The following ATRNL1 variants were observed in gnomAD, a reference collection of about 807,000 sequenced individuals.
ATRNL1 encodes attractin-like protein 1.
Under a neutral mutation model 182.7 loss-of-function variants are expected in ATRNL1, and 95 were observed. That is an observed-to-expected ratio of 0.52 (90% confidence interval 0.44 to 0.62). ATRNL1 has a LOEUF of 0.62. ATRNL1 is among the 20% of genes least tolerant of loss of function. The pLI, the probability that ATRNL1 is intolerant of heterozygous loss-of-function variation, is 0.00. For synonymous variants in ATRNL1, 576 were observed against 568.3 expected, an observed-to-expected ratio of 1.01 and a Z score of -0.19; for missense variants, 1,471 against 1,679.5, an observed-to-expected ratio of 0.88 and a Z score of 2.17.
At chr10:115,920,670 G>T (rs1555118498) in intron 28 of ATRNL1, among the ~76,000 whole-genome samples, 1 of 152,152 alleles carries the variant, frequency 6.6e-6, no homozygotes, top group African/African-American at 2.4e-5. Context: ...AAATGACCTT[G>T]CCTGGTTAAC....
chr10:115,913,619 T>A (rs895213431), intron 28 of ATRNL1, among the ~76,000 whole-genome samples: 1 of 152,374 alleles, frequency 6.6e-6, no homozygotes, highest in East Asian at 1.9e-4. Context: ...CTACTGCCTC[T>A]AACTCATAGA....
intron 26 of ATRNL1, among the ~76,000 whole-genome samples, chr10:115,714,665 A>G (rs1443909819): frequency 1.3e-5 from 2 of 152,144 alleles, no homozygotes; most frequent in Non-Finnish European, 2.9e-5. Context: ...CAATAGATTC[A>G]TTATTGATTG....
intron 8 of ATRNL1, among the ~76,000 whole-genome samples, chr10:115,210,114 G>A (rs1196788362): frequency 1.3e-5 from 2 of 151,948 alleles, no homozygotes; most frequent in African/African-American, 4.8e-5. Context: ...ATTACTGGTA[G>A]CTGATCACTA....
At chr10:115,859,074 C>A (rs1487768948) in intron 28 of ATRNL1, among the ~76,000 whole-genome samples, 1 of 151,946 alleles carries the variant, frequency 6.6e-6, no homozygotes, top group Admixed American at 6.6e-5. Context: ...GCTCTGATTT[C>A]TTCTTATAAG....
intron 19 of ATRNL1, among the ~76,000 whole-genome samples, chr10:115,376,157 C>T (rs1857658504): frequency 6.6e-6 from 1 of 151,924 alleles, no homozygotes; most frequent in East Asian, 1.9e-4. Flanking sequence ...CATCATCCTT[C>T]TTCCTCCTGT....
chr10:115,811,023 C>G (rs1950035166), intron 27 of ATRNL1, among the ~76,000 whole-genome samples: 1 of 151,710 alleles, frequency 6.6e-6, no homozygotes, highest in Non-Finnish European at 1.5e-5. Context: ...CCTTCTCTCT[C>G]TTTAGGTTTA....
At position 115,365,941 on chromosome 10, in the gene ATRNL1, G is replaced by A. The variant is rs375716349; in HGVS notation, c.3176-28718G>A. On this transcript the variant is annotated intron_variant, in intron 19 of 28. Coordinates refer to ENST00000355044, the MANE Select transcript of ATRNL1 (RefSeq NM_207303.4). ...TTGCTGAGGAGAGCTTTACTTCCAA[G>A]TATGTGGTCAATTTTAGAATAGGTG... is the stretch of plus-strand genomic sequence containing the variant. Among the ~76,000 whole-genome samples, 412 of 152,218 alleles carry A rather than the reference G, an allele frequency of 2.7e-3. 3 individuals are homozygous for A. The highest frequency in any genetic ancestry group is 9.5e-3 in the African/African-American group (393 of 41,518).
At chr10:115,474,853 A>G (rs1355638675) in intron 24 of ATRNL1, among the ~76,000 whole-genome samples, 1 of 151,424 alleles carries the variant, frequency 6.6e-6, no homozygotes, top group Non-Finnish European at 1.5e-5. Context: ...CTATCAAAGT[A>G]TGGACTGACT....
intron 27 of ATRNL1, among the ~76,000 whole-genome samples, chr10:115,786,736 T>C (rs1412490340): frequency 6.6e-6 from 1 of 152,244 alleles, no homozygotes; most frequent in Non-Finnish European, 1.5e-5. Flanking sequence ...TACAGACCTC[T>C]AATTCTTCCT....
chr10:115,404,750 G>A (rs1230860820), intron 20 of ATRNL1, among the ~76,000 whole-genome samples: 7 of 150,436 alleles, frequency 4.7e-5, no homozygotes, highest in Non-Finnish European at 7.4e-5. Flanking sequence ...ACAGTGTGGT[G>A]GTATTTAGGT....
At chr10:115,358,831 C>A (rs547209719) in intron 19 of ATRNL1, among the ~76,000 whole-genome samples, 1 of 151,714 alleles carries the variant, frequency 6.6e-6, no homozygotes, top group South Asian at 2.1e-4. Context: ...CATTTTAAGG[C>A]CATAATATTG....
At chr10:115,930,379 A>G (rs1555121329) in intron 28 of ATRNL1, among the ~76,000 whole-genome samples, 2 of 152,150 alleles carry the variant, frequency 1.3e-5, no homozygotes, top group African/African-American at 2.4e-5. Context: ...AACGTGTCAT[A>G]CATCCCATAA....
At chr10:115,180,865 T>C (rs1383478201) in intron 8 of ATRNL1, among the ~76,000 whole-genome samples, 5 of 151,976 alleles carry the variant, frequency 3.3e-5, no homozygotes, top group Non-Finnish European at 7.4e-5. Context: ...CAGATGTTTT[T>C]TGGTAAGGGT....
intron 23 of ATRNL1, among the ~76,000 whole-genome samples, 189 bp downstream of exon 23, chr10:115,467,441 TTA>T (rs1474784495): frequency 4.0e-5 from 6 of 150,852 alleles, no homozygotes; most frequent in African/African-American, 1.5e-4. Context: ...ACTTTCTCCT[TTA>T]TTCAATTAAA....
At chr10:115,525,418 A>C (rs1056905643) in intron 25 of ATRNL1, among the ~76,000 whole-genome samples, 5 of 152,192 alleles carry the variant, frequency 3.3e-5, no homozygotes, top group African/African-American at 1.2e-4. Flanking sequence ...GGCAATTAAC[A>C]AACCTAGCCC....
intron 17 of ATRNL1, among the ~76,000 whole-genome samples, chr10:115,309,686 T>G (rs1853916848): frequency 6.6e-6 from 1 of 151,968 alleles, no homozygotes; most frequent in South Asian, 2.1e-4. Context: ...CTCTTTAGGG[T>G]TTTCTAGGTA....
chr10:115,417,139 C>T (rs1345955275), intron 20 of ATRNL1, among the ~76,000 whole-genome samples: 6 of 152,208 alleles, frequency 3.9e-5, no homozygotes, highest in Non-Finnish European at 8.8e-5. Flanking sequence ...CCAGAAATGG[C>T]CCTGATCCCC....
rs147190850 is a variant in ATRNL1 at position 115,782,600 on chromosome 10, G to A, written c.3903+55245G>A. Among the ~76,000 whole-genome samples, 1,063 of 152,240 alleles carry A rather than the reference G, an allele frequency of 7.0e-3. 5 individuals carry two copies. Among genetic ancestry groups the A allele is most frequent in the African/African-American group, 0.024 (1,007 of 41,530 alleles). On this transcript the variant is annotated intron_variant, in intron 27 of 28. Coordinates refer to ENST00000355044, the MANE Select transcript of ATRNL1 (RefSeq NM_207303.4). The stretch of plus-strand genomic sequence containing the variant: ...CTATCCTACAGCATGACTCTTCAGT[G>A]CTCTGAAAAGAGAAAAGGGCTGAGA...
intron 27 of ATRNL1, among the ~76,000 whole-genome samples, chr10:115,841,671 C>A (rs1339874134): frequency 2.0e-5 from 3 of 152,084 alleles, no homozygotes; most frequent in South Asian, 2.1e-4. Context: ...AATATGAATT[C>A]TTCTCCTTCC....
Sources: allele counts gnomAD v4.1 joint callset (sites outside exome capture counted in the v4.1 genomes callset), GRCh38; gene constraint gnomAD v4.1.1; transcripts MANE v1.5; gene names NCBI Gene and HGNC (gene_info 2026-07-23, HGNC 2026-07-21).